Variants in LIMK1 observed in about 807,000 individuals in gnomAD.
LIMK1 encodes LIM motif-containing protein kinase.
LIMK1 carries 21 observed loss-of-function variants against 77.6 expected under a neutral mutation model. That is an observed-to-expected ratio of 0.27 (90% CI 0.19 to 0.39). The LOEUF (loss-of-function observed/expected upper bound fraction) is 0.39, where lower values mean the gene tolerates loss of function less well. LIMK1 is among the 10% of genes least tolerant of loss of function. LIMK1 has a pLI of 1.00. For synonymous variants in LIMK1, 358 were observed against 370.0 expected, an observed-to-expected ratio of 0.97 and a Z score of 0.37; for missense variants, 696 against 901.6, an observed-to-expected ratio of 0.77 and a Z score of 2.92.
chr7:74,115,617 G>A (rs1799790570), intron 12 of LIMK1, 185 bp from the exon 13 acceptor site: 3 of 594,064 alleles, frequency 5.0e-6, no homozygotes, highest in South Asian at 2.1e-5. Context: ...GGTGCTTCCC[G>A]CAGCTCCATT....
chr7:74,102,101 A>G (rs1231662323), intron 5 of LIMK1, among the ~76,000 whole-genome samples: 9 of 152,188 alleles, frequency 5.9e-5, no homozygotes, highest in African/African-American at 2.2e-4. Context: ...TAGGATTACA[A>G]GCGTGAGCCA....
At position 74,083,970 on chromosome 7, in the gene LIMK1, G is replaced by A; in HGVS notation, c.-21G>A. On this transcript the variant is annotated 5_prime_UTR_variant, in exon 1 of 16. Transcript: ENST00000336180. ...CCGCCCCCAGCCCCAGCCCCGCCGG[G>A]CCCCGCCCCCCGTCGAGTGCATGAG... 3 of 1,289,542 alleles carry A rather than the reference G, an allele frequency of 2.3e-6. No homozygotes were observed. The highest frequency in any genetic ancestry group is 3.0e-6 in the Non-Finnish European group (3 of 989,628). 79.9% of individuals were successfully genotyped at this position (1,289,542 alleles called of 1,614,324 possible). A position where few individuals can be genotyped will look rare whatever the true frequency, so the allele number is the denominator to read the frequency against.
intron 11 of LIMK1, 24 bp downstream of exon 11, chr7:74,111,731 T>A: frequency 6.2e-7 from 1 of 1,607,060 alleles, no homozygotes; most frequent in Non-Finnish European, 8.5e-7. Context: ...GTGCTCTAGC[T>A]CCATTCATAA....
intron 4 of LIMK1, 103 bp downstream of exon 4, chr7:74,097,292 G>A: frequency 1.6e-6 from 1 of 642,532 alleles, no homozygotes; most frequent in South Asian, 2.2e-5. Flanking sequence ...CTTTCCCATG[G>A]GGTGAGGTTT....
chr7:74,100,890 C>A lies in LIMK1; in HGVS notation c.608+1652C>A, dbSNP rs184140012. 3.2e-3 allele frequency among the ~76,000 whole-genome samples: 488 copies of A among 152,224 alleles called. 4 individuals are homozygous for A. The highest frequency in any genetic ancestry group is 0.011 in the African/African-American group (470 of 41,546). On this transcript the variant is annotated intron_variant, in intron 5 of 15. Transcript: ENST00000336180. The stretch of plus-strand genomic sequence containing the variant: ...AGCTGGGACTACAGGCACCTGCCAC[C>A]ATGCCCGGCTAATTTTTTTTTTATA...
rs567730988 is a variant in LIMK1 at position 74,089,977 on chromosome 7, G to T, written c.152+4133G>T. Among the ~76,000 whole-genome samples, 70 of 152,234 alleles carry T rather than the reference G, an allele frequency of 4.6e-4. No individual in the cohort carries two copies. The Middle Eastern group carries it at 0.041, about 89-fold the overall frequency. ...GCCGTGTTACAGGATGGGTGTACCT[G>T]GCTTTGGAGTGGCCTGTCCCAAATC... On this transcript the variant is annotated intron_variant, in intron 2 of 15. Coordinates refer to ENST00000336180, the MANE Select transcript of LIMK1 (RefSeq NM_002314.4).
chr7:74,097,466 AG>A (rs2115663588), intron 4 of LIMK1, among the ~76,000 whole-genome samples: 1 of 152,350 alleles, frequency 6.6e-6, no homozygotes, highest in Non-Finnish European at 1.5e-5. Context: ...CCTTGAGGCT[AG>A]GAGTTCAAGA....
rs377102333 is a variant in LIMK1 at position 74,084,407 on chromosome 7, G to T, written c.55+362G>T. On this transcript the variant is annotated intron_variant, in intron 1 of 15. Coordinates refer to ENST00000336180, the MANE Select transcript of LIMK1 (RefSeq NM_002314.4). Reference sequence around the variant, plus strand: ...TTTATCCAGTCTCGGAAGAAAGAGCGGCTGGGGAAGCCGCAGCCCCGGGTC... The same window carrying T: ...TTTATCCAGTCTCGGAAGAAAGAGCTGCTGGGGAAGCCGCAGCCCCGGGTC... Among the ~76,000 whole-genome samples the T allele has an allele frequency of 1.1e-4, 16 of 152,306 alleles. No individual in the cohort carries two copies. The East Asian group carries it at 1.2e-3, about 11-fold the overall frequency.
At chr7:74,098,570 G>C (rs944262166) in intron 4 of LIMK1, among the ~76,000 whole-genome samples, 5 of 152,212 alleles carry the variant, frequency 3.3e-5, no homozygotes, top group Non-Finnish European at 7.3e-5. Context: ...AAGCTGGCCA[G>C]GTGCAGTGGC....
chr7:74,091,006 C>T (rs1324374653), intron 2 of LIMK1, among the ~76,000 whole-genome samples: 10 of 152,148 alleles, frequency 6.6e-5, no homozygotes, highest in East Asian at 1.9e-4. Context: ...CTCTGCCTCC[C>T]GGGTTCACAC....
At chr7:74,103,585 C>T (rs1020276979) in intron 5 of LIMK1, among the ~76,000 whole-genome samples, 1 of 152,058 alleles carries the variant, frequency 6.6e-6, no homozygotes, top group Non-Finnish European at 1.5e-5. Flanking sequence ...TTCCCTTTGT[C>T]ATCAATAAAC....
At chr7:74,100,180 T>C (rs782728952) in intron 5 of LIMK1, among the ~76,000 whole-genome samples, 9 of 151,966 alleles carry the variant, frequency 5.9e-5, no homozygotes, top group Non-Finnish European at 1.2e-4. Flanking sequence ...GTGGCTACAG[T>C]GAGCTATAAT....
intron 2 of LIMK1, among the ~76,000 whole-genome samples, chr7:74,089,538 G>C (rs1236864281): frequency 4.6e-5 from 7 of 152,104 alleles, no homozygotes; most frequent in African/African-American, 1.7e-4. Context: ...AAAAGACAGG[G>C]GCTTCGGGGA....
At chr7:74,115,422 G>GAAA in intron 12 of LIMK1, 1 of 183,166 alleles carries the variant, frequency 5.5e-6, no homozygotes, top group Admixed American at 5.7e-5. Context: ...GACTCCGTCT[G>GAAA]AAAAAAAAAA....
intron 9 of LIMK1, 145 bp from the exon 10 acceptor site, chr7:74,108,760 T>TG: frequency 7.7e-7 from 1 of 1,305,552 alleles, no homozygotes; most frequent in South Asian, 1.5e-5. Flanking sequence ...CGCCAGAGGG[T>TG]GTGGCAGAGG....
intron 5 of LIMK1, among the ~76,000 whole-genome samples, chr7:74,099,599 G>T (rs1799414053): frequency 6.6e-6 from 1 of 151,790 alleles, no homozygotes; most frequent in Non-Finnish European, 1.5e-5. Flanking sequence ...GCATGGTAGT[G>T]TGTGCCTATA....
intron 11 of LIMK1, 90 bp downstream of exon 11, chr7:74,111,797 G>A: frequency 6.9e-7 from 1 of 1,446,908 alleles, no homozygotes; most frequent in Non-Finnish European, 9.7e-7. Flanking sequence ...GAGGGCAGAG[G>A]GGGTCGATGG....
At chr7:74,095,354 C>G (rs1554695417) in intron 2 of LIMK1, among the ~76,000 whole-genome samples, 1 of 152,196 alleles carries the variant, frequency 6.6e-6, no homozygotes, top group East Asian at 1.9e-4. Flanking sequence ...CCCCCCACAG[C>G]AGGACCCAGG....
chr7:74,093,987 C>A, intron 2 of LIMK1: 1 of 152,496 alleles, frequency 6.6e-6, no homozygotes, highest in Non-Finnish European at 1.5e-5. Context: ...CCCCGAGCCC[C>A]AGCCACTGAG....
Sources: allele counts gnomAD v4.1 joint callset (sites outside exome capture counted in the v4.1 genomes callset), GRCh38; gene constraint gnomAD v4.1.1; transcripts MANE v1.5; gene names NCBI Gene and HGNC (gene_info 2026-07-23, HGNC 2026-07-21).